CAMK1D: variants seen among roughly 807,000 people sequenced by gnomAD.
CAMK1D encodes calcium/calmodulin-dependent protein kinase type 1D.
Under a neutral mutation model 47.7 loss-of-function variants are expected in CAMK1D, and 9 were observed. The ratio of observed to expected loss-of-function variants is 0.19; its 90% confidence interval spans 0.11 to 0.33. The LOEUF is 0.33. Among genes scored for constraint, CAMK1D ranks in the 10% least tolerant of loss-of-function variants. CAMK1D has a pLI of 1.00. For synonymous variants in CAMK1D, 184 were observed against 184.9 expected, an observed-to-expected ratio of 0.99 and a Z score of 0.04; for missense variants, 291 against 488.7, an observed-to-expected ratio of 0.60 and a Z score of 3.81.
intron 6 of CAMK1D, among the ~76,000 whole-genome samples, chr10:12,808,550 G>C (rs1832461801): frequency 6.6e-6 from 1 of 152,166 alleles, no homozygotes; most frequent in Admixed American, 6.5e-5. Flanking sequence ...GGCCGAGCTG[G>C]GTGGGTCACC....
chr10:12,514,421 T>TA (rs1835129361), intron 1 of CAMK1D, among the ~76,000 whole-genome samples: 1 of 152,230 alleles, frequency 6.6e-6, no homozygotes, highest in Non-Finnish European at 1.5e-5. Context: ...ATGAAAAGAA[T>TA]AATGTCCCTT....
intron 5 of CAMK1D, among the ~76,000 whole-genome samples, chr10:12,788,559 G>C (rs76671231): frequency 0.014 from 2,195 of 152,324 alleles, 67 homozygotes; most frequent in African/African-American, 0.051. Context: ...TTTCCATCAG[G>C]CCACGAGGCT....
Position 12,611,609 on chromosome 10 carries a change from T to TTTTTG in CAMK1D, c.225-55127_225-55126insTTTTG, listed in dbSNP as rs1554796845. Among the ~76,000 whole-genome samples, 185 of 124,720 alleles carry TTTTTG rather than the reference T, an allele frequency of 1.5e-3. 2 individuals are homozygous for TTTTTG. The highest frequency in any genetic ancestry group is 4.0e-3 in the Middle Eastern group (1 of 250). The allele number at this position is 124,720 out of a possible 152,430, so 81.8% of individuals were successfully genotyped here. ...ATGCCTTTTTTTTTTTTTTTTTTTT[T>TTTTTG]GAGACAGAGTCTTACTCTGTCTCCC... On this transcript the variant is annotated intron_variant, in intron 2 of 10. Transcript: ENST00000619168.
intron 2 of CAMK1D, among the ~76,000 whole-genome samples, chr10:12,611,253 G>A (rs764864269): frequency 1.0e-3 from 152 of 152,212 alleles, no homozygotes; most frequent in Admixed American, 2.0e-3. Flanking sequence ...CAGGCAACCC[G>A]GAAGACTCCA....
chr10:12,486,158 A>G (rs1834206726), intron 1 of CAMK1D, among the ~76,000 whole-genome samples: 1 of 96,232 alleles, frequency 1.0e-5, no homozygotes, highest in African/African-American at 4.1e-5. Context: ...GGGACTTGCC[A>G]GTCTCTTTTT....
At chr10:12,629,417 A>G (rs537918585) in intron 2 of CAMK1D, among the ~76,000 whole-genome samples, 1 of 152,218 alleles carries the variant, frequency 6.6e-6, no homozygotes, top group African/African-American at 2.4e-5. Context: ...ACACGTTTAC[A>G]TAAAAATATA....
chr10:12,469,886 C>T (rs1833697360), intron 1 of CAMK1D, among the ~76,000 whole-genome samples: 1 of 151,970 alleles, frequency 6.6e-6, no homozygotes, highest in African/African-American at 2.4e-5. Context: ...CCTGTTGTCA[C>T]TTTTTTGGTG....
Position 12,705,970 on chromosome 10 carries a change from A to T in CAMK1D, c.299+39160A>T, listed in dbSNP as rs563195188. Reference sequence around the variant, plus strand: ...TAGCATCCCTATTTAGCACTGAGTTATACTGAATTCATTTAATCCTTATCC... The same window carrying T: ...TAGCATCCCTATTTAGCACTGAGTTTTACTGAATTCATTTAATCCTTATCC... On this transcript the variant is annotated intron_variant, in intron 3 of 10. Transcript: ENST00000619168. 5.3e-5 allele frequency among the ~76,000 whole-genome samples: 8 copies of T among 152,368 alleles called. 1 individual carries two copies. The East Asian group carries it at 1.5e-3, about 29-fold the overall frequency.
chr10:12,803,569 C>A (rs1278783896), intron 6 of CAMK1D, among the ~76,000 whole-genome samples: 1 of 152,128 alleles, frequency 6.6e-6, no homozygotes, highest in East Asian at 1.9e-4. Flanking sequence ...GCAGGAAAAT[C>A]ACTTGAACCT....
At chr10:12,641,248 C>T (rs1014248744) in intron 2 of CAMK1D, among the ~76,000 whole-genome samples, 3 of 152,174 alleles carry the variant, frequency 2.0e-5, no homozygotes, top group South Asian at 2.1e-4. Flanking sequence ...GGATTACAAG[C>T]GTCAGCTACC....
At chr10:12,524,312 G>A (rs1183323974) in intron 1 of CAMK1D, among the ~76,000 whole-genome samples, 21 of 152,090 alleles carry the variant, frequency 1.4e-4, no homozygotes, top group Admixed American at 1.3e-3. Context: ...CTTTAAGGTA[G>A]CATTTTATCA....
chr10:12,522,661 A>G (rs957737163), intron 1 of CAMK1D, among the ~76,000 whole-genome samples: 6 of 151,720 alleles, frequency 4.0e-5, no homozygotes, highest in Admixed American at 1.3e-4. Flanking sequence ...CCCCTTTTCT[A>G]TTCCACAAAA....
At chr10:12,577,995 C>T (rs982308831) in intron 2 of CAMK1D, among the ~76,000 whole-genome samples, 2 of 152,258 alleles carry the variant, frequency 1.3e-5, no homozygotes, top group South Asian at 2.1e-4. Flanking sequence ...TAGGCAAGCA[C>T]AGCTGCCAGC....
At chr10:12,782,955 T>A (rs1329850038) in intron 5 of CAMK1D, among the ~76,000 whole-genome samples, 3 of 152,112 alleles carry the variant, frequency 2.0e-5, no homozygotes, top group Non-Finnish European at 4.4e-5. Flanking sequence ...ACAGACTTGT[T>A]TTTTAGAGTA....
At chr10:12,782,122 C>T (rs1837527765) in intron 5 of CAMK1D, among the ~76,000 whole-genome samples, 1 of 152,106 alleles carries the variant, frequency 6.6e-6, no homozygotes, top group African/African-American at 2.4e-5. Context: ...GCCTTCTGCT[C>T]TTCTTCTGTG....
intron 1 of CAMK1D, among the ~76,000 whole-genome samples, chr10:12,518,555 C>T (rs1374602427): frequency 2.8e-5 from 1 of 36,348 alleles, no homozygotes; most frequent in Non-Finnish European, 6.3e-5. Context: ...GGCAGGGTCA[C>T]AGGACAATAG....
chr10:12,740,311 G>A (rs1157101813), intron 3 of CAMK1D, among the ~76,000 whole-genome samples: 1 of 152,164 alleles, frequency 6.6e-6, no homozygotes, highest in Non-Finnish European at 1.5e-5. Context: ...CAGAAACCGG[G>A]AGATGGGCCA....
chr10:12,515,436 A>G (rs1163998074), intron 1 of CAMK1D, among the ~76,000 whole-genome samples: 2 of 45,480 alleles, frequency 4.4e-5, no homozygotes, highest in Admixed American at 2.5e-4. Flanking sequence ...TTTTCATTAT[A>G]CTTTAAGTTT....
At chr10:12,451,247 G>A (rs1436667854) in intron 1 of CAMK1D, among the ~76,000 whole-genome samples, 1 of 152,198 alleles carries the variant, frequency 6.6e-6, no homozygotes, top group East Asian at 1.9e-4. Context: ...TCCTCCTCTG[G>A]CCCAGAGGAG....
Sources: allele counts gnomAD v4.1 joint callset (sites outside exome capture counted in the v4.1 genomes callset), GRCh38; gene constraint gnomAD v4.1.1; transcripts MANE v1.5; gene names NCBI Gene and HGNC (gene_info 2026-07-23, HGNC 2026-07-21).